The following RGS6 variants were observed in gnomAD, a reference collection of about 807,000 sequenced individuals.
RGS6 encodes regulator of G-protein signaling 6.
A neutral mutation model predicts 78.5 loss-of-function variants in RGS6; 30 were observed. That is an observed-to-expected ratio of 0.38 (90% confidence interval 0.29 to 0.52). The LOEUF is 0.52. Among genes scored for constraint, RGS6 ranks in the 20% least tolerant of loss-of-function variants. The probability of loss-of-function intolerance (pLI) is 0.85; values close to 1 mark genes in which losing one functional copy is unlikely to be tolerated. For synonymous variants in RGS6, 206 were observed against 206.0 expected, an observed-to-expected ratio of 1.00 and a Z score of 0.00; for missense variants, 495 against 609.7, an observed-to-expected ratio of 0.81 and a Z score of 1.98.
chr14:72,354,791 A>G (rs1869009156), intron 3 of RGS6, among the ~76,000 whole-genome samples: 1 of 152,204 alleles, frequency 6.6e-6, no homozygotes, highest in Non-Finnish European at 1.5e-5. Flanking sequence ...CGTTCAGTCC[A>G]AAATAGAGCC....
chr14:72,233,213 T>C (rs1165992202), intron 2 of RGS6, among the ~76,000 whole-genome samples: 1 of 152,182 alleles, frequency 6.6e-6, no homozygotes, highest in South Asian at 2.1e-4. Flanking sequence ...GCCTTGCATT[T>C]GTAGAGAAGC....
chr14:72,080,781 T>C (rs1337391313), intron 2 of RGS6, among the ~76,000 whole-genome samples: 1 of 152,174 alleles, frequency 6.6e-6, no homozygotes, highest in Non-Finnish European at 1.5e-5. Context: ...GACAGTCTTT[T>C]CCCCATGTGT....
intron 3 of RGS6, among the ~76,000 whole-genome samples, chr14:72,437,273 G>A (rs1184930604): frequency 5.3e-5 from 8 of 149,554 alleles, no homozygotes; most frequent in African/African-American, 1.2e-4. Flanking sequence ...CCCAGGAGGC[G>A]GGGGTTGCAG....
intron 7 of RGS6, among the ~76,000 whole-genome samples, chr14:72,466,503 A>G (rs769982493): frequency 1.3e-5 from 2 of 152,200 alleles, no homozygotes; most frequent in Non-Finnish European, 2.9e-5. Flanking sequence ...TAACAGTTGA[A>G]TGGTTAAACT....
At chr14:72,154,640 C>T (rs913591757) in intron 2 of RGS6, among the ~76,000 whole-genome samples, 2 of 152,170 alleles carry the variant, frequency 1.3e-5, no homozygotes, top group African/African-American at 4.8e-5. Flanking sequence ...ACTTTGGCCA[C>T]GGCATCAGGC....
chr14:72,610,185 A>G, the RGS6 span, among the ~76,000 whole-genome samples: 1 of 152,226 alleles, frequency 6.6e-6, no homozygotes, highest in Non-Finnish European at 1.5e-5. Context: ...TCGTATCTGC[A>G]GGTCTAGAGA....
intron 2 of RGS6, among the ~76,000 whole-genome samples, chr14:72,142,611 G>A (rs2096555710): frequency 6.6e-6 from 1 of 152,164 alleles, no homozygotes; most frequent in Non-Finnish European, 1.5e-5. Context: ...TCCAGAGGAG[G>A]CATCAGCTGA....
At chr14:71,910,365 T>C in the RGS6 span, among the ~76,000 whole-genome samples, 1 of 152,194 alleles carries the variant, frequency 6.6e-6, no homozygotes, top group Non-Finnish European at 1.5e-5. Context: ...TTAATTTTCA[T>C]CTGTTTACCT....
chr14:72,438,762 C>T (rs1200264442), intron 3 of RGS6, among the ~76,000 whole-genome samples: 1 of 152,226 alleles, frequency 6.6e-6, no homozygotes, highest in Non-Finnish European at 1.5e-5. Context: ...CTTTACAATC[C>T]ATTCTGCACT....
chr14:72,263,712 A>G (rs963392425), intron 2 of RGS6, among the ~76,000 whole-genome samples: 2 of 152,136 alleles, frequency 1.3e-5, no homozygotes, highest in African/African-American at 4.8e-5. Context: ...CCATCTGTGA[A>G]CCAAGAAGTG....
At chr14:72,389,916 T>C (rs2089460924) in intron 3 of RGS6, among the ~76,000 whole-genome samples, 1 of 152,136 alleles carries the variant, frequency 6.6e-6, no homozygotes, top group Admixed American at 6.6e-5. Context: ...ATTCTTCTGA[T>C]TCAATTGCAT....
At chr14:72,107,193 C>A (rs1024483164) in intron 2 of RGS6, among the ~76,000 whole-genome samples, 18 of 151,794 alleles carry the variant, frequency 1.2e-4, no homozygotes, top group Non-Finnish European at 1.5e-5. Flanking sequence ...TTTCAAGATA[C>A]TGAATTGCTT....
In RGS6 at chr14:72,474,699, G is replaced by A. The variant is rs750426206; in HGVS notation, c.693G>A (p.Lys231=). Residue 231 remains lysine, a splice_region_variant and synonymous_variant, in exon 10 of 18, where the codon AAG becomes AAA. Transcript: ENST00000553525. ...RRLKNPQKVK[K]SVYGVTEESQ... ...TGAAGAATCCACAAAAGGTTAAAAA[G>A]GTTCGCTAGTTTAGCTGAGTTAAAA... is the stretch of plus-strand genomic sequence containing the variant. 3 of 1,612,966 alleles carry A rather than the reference G, an allele frequency of 1.9e-6. No homozygotes were observed. Among genetic ancestry groups the A allele is most frequent in the Non-Finnish European group, 1.7e-6 (2 of 1,179,554 alleles).
chr14:72,201,357 T>A (rs2041542155), intron 2 of RGS6, among the ~76,000 whole-genome samples: 1 of 152,102 alleles, frequency 6.6e-6, no homozygotes, highest in African/African-American at 2.4e-5. Flanking sequence ...GCAGGTAAAG[T>A]TTTCCCTGTC....
chr14:71,952,167 G>A (rs2092383088), intron 1 of RGS6, among the ~76,000 whole-genome samples: 1 of 152,168 alleles, frequency 6.6e-6, no homozygotes, highest in Admixed American at 6.5e-5. Context: ...GAATAGAAGT[G>A]GTGATAGTGA....
At chr14:71,889,158 G>GAGAACAT in the RGS6 span, among the ~76,000 whole-genome samples, 2 of 152,108 alleles carry the variant, frequency 1.3e-5, no homozygotes, top group African/African-American at 4.8e-5. Flanking sequence ...CAGGGGAGAG[G>GAGAACAT]AGAACATGTC....
intron 2 of RGS6, among the ~76,000 whole-genome samples, chr14:72,266,701 C>T (rs955651595): frequency 2.0e-5 from 3 of 152,238 alleles, no homozygotes; most frequent in African/African-American, 7.2e-5. Context: ...CTTCTGATCT[C>T]ATAGCTTAGG....
At chr14:72,462,904 TA>T (rs931237262) in intron 6 of RGS6, among the ~76,000 whole-genome samples, 4 of 152,160 alleles carry the variant, frequency 2.6e-5, no homozygotes, top group Non-Finnish European at 4.4e-5. Flanking sequence ...AATAGAGAAA[TA>T]AGTGAGTTAT....
chr14:72,476,929 C>G (rs767093028), intron 11 of RGS6, 89 bp downstream of exon 11: 5 of 1,183,692 alleles, frequency 4.2e-6, no homozygotes, highest in Non-Finnish European at 6.1e-6. Flanking sequence ...ATTGAGCAAG[C>G]TTTGAGTTCC....
Sources: gnomAD v4.1 joint callset for allele counts (sites outside exome capture counted in the v4.1 genomes callset) on GRCh38, gnomAD v4.1.1 for gene constraint, MANE v1.5 for transcripts, NCBI Gene and HGNC (gene_info 2026-07-23, HGNC 2026-07-21) for gene names.